SEZ6: variants seen among roughly 807,000 people sequenced by gnomAD.
SEZ6 encodes seizure related 6 homolog, also known as seizure protein 6 homolog.
Under a neutral mutation model 101.0 loss-of-function variants are expected in SEZ6, and 53 were observed. That is an observed-to-expected ratio of 0.52 (90% confidence interval 0.42 to 0.66). The LOEUF is 0.66. Among genes scored for constraint, SEZ6 ranks in the 30% least tolerant of loss-of-function variants. SEZ6 has a pLI of 0.00. For missense variants in SEZ6, 1,102 were observed against 1,289.4 expected (o/e 0.85, Z 2.23); for synonymous variants, 488 against 512.2 (o/e 0.95, Z 0.64).
intron 1 of SEZ6, among the ~76,000 whole-genome samples, chr17:29,001,021 T>C (rs558439826): frequency 6.6e-6 from 1 of 152,290 alleles, no homozygotes; most frequent in East Asian, 1.9e-4. Flanking sequence ...ATCAGCACCC[T>C]ATCCCTGAGC....
Position 28,958,000 on chromosome 17 carries a change from A to G in SEZ6, c.2249T>C (p.Leu750Pro). The change falls in exon 11 of 17, where the codon CTC becomes CCC. Residue 750 changes from leucine (L) to proline (P), a missense_variant. Around this residue, in one of 3 missense-constraint regions of SEZ6, gnomAD observed 556 missense variants for 735.1 expected, o/e 0.76. Transcript: ENST00000317338. Reference protein sequence around the residue: ...PGYQVVGSSVLMCQWDLTWSE... With the variant: ...PGYQVVGSSVPMCQWDLTWSE... ...CCAAGTTAGGTCCCACTGGCACATG[A>G]GGACACTGGATCCCACTACCTGGTA... The G allele has an allele frequency of 6.2e-7, 1 of 1,613,996 alleles. No individual in the cohort carries two copies. The highest frequency in any genetic ancestry group is 8.5e-7 in the Non-Finnish European group (1 of 1,179,866).
chr17:28,962,811 C>T (rs930434884), intron 5 of SEZ6, among the ~76,000 whole-genome samples: 2 of 149,804 alleles, frequency 1.3e-5, no homozygotes, highest in Admixed American at 6.7e-5. Context: ...ATTCAAAAGC[C>T]TAAGCCCATA....
In SEZ6 at chr17:28,980,615, G is replaced by A. The variant is rs1453516137; in HGVS notation, c.724+756C>T. 2.0e-5 allele frequency among the ~76,000 whole-genome samples: 3 copies of A among 151,952 alleles called. No homozygotes were observed. In the East Asian group the frequency reaches 5.8e-4, roughly 29 times the overall value. On this transcript the variant is annotated intron_variant, in intron 2 of 16. Coordinates refer to ENST00000317338, the MANE Select transcript of SEZ6 (RefSeq NM_178860.5). ...TCGATCTCCTGACCTCGTTCCACAC[G>A]CCTCAGCCTCCCAAAGTGCTGGGAT...
At chr17:28,970,008 G>A in intron 3 of SEZ6, 56 bp from the exon 4 acceptor site, 1 of 1,460,538 alleles carries the variant, frequency 6.8e-7, no homozygotes, top group Non-Finnish European at 9.0e-7. Flanking sequence ...CCTGCTGCCT[G>A]GATCCTGCCG....
chr17:28,956,987 C>A, intron 13 of SEZ6, 58 bp downstream of exon 13: 1 of 1,491,932 alleles, frequency 6.7e-7, no homozygotes, highest in Non-Finnish European at 9.0e-7. Flanking sequence ...CATTGGACAT[C>A]TTTGCCAGAG....
At chr17:28,994,891 T>G (rs1229432637) in intron 1 of SEZ6, among the ~76,000 whole-genome samples, 1 of 151,758 alleles carries the variant, frequency 6.6e-6, no homozygotes, top group Non-Finnish European at 1.5e-5. Flanking sequence ...CTTTTTTTTT[T>G]GAGACAGAGT....
chr17:28,969,311 C>T (rs2041115352), intron 4 of SEZ6, among the ~76,000 whole-genome samples: 1 of 152,154 alleles, frequency 6.6e-6, no homozygotes, highest in South Asian at 2.1e-4. Context: ...TCCCTTTGAC[C>T]TTCACCCTCT....
At chr17:28,957,655 A>G in intron 11 of SEZ6, 116 bp from the exon 12 acceptor site, 1 of 1,157,644 alleles carries the variant, frequency 8.6e-7, no homozygotes, top group East Asian at 2.6e-5. Context: ...TCTACCCCCT[A>G]CGTATCTGTC....
chr17:28,959,775 A>C lies in SEZ6; in HGVS notation c.1694T>G (p.Leu565Arg). ...CTCGATGATGATGGAGCCCTGCTCC[A>C]GGGTGTAGCCAGGGTCGCAGCTGAA... ...VEFSCDPGYT[L>R]EQGSIIIECV... Residue 565 changes from leucine (L) to arginine (R), a missense_variant, in exon 8 of 17, where the codon CTG becomes CGG. Leu to Arg is a moderately radical substitution (Grantham distance 102). Coordinates refer to ENST00000317338, the MANE Select transcript of SEZ6 (RefSeq NM_178860.5). This position sits in a 1 kb window ranked among gnomAD's most constrained non-coding sequence, Gnocchi z 4.4. The C allele has an allele frequency of 6.2e-7, 1 of 1,613,726 alleles. No individual in the cohort carries two copies.
At chr17:28,958,382 G>T (rs945851300) in intron 10 of SEZ6, among the ~76,000 whole-genome samples, 1 of 152,214 alleles carries the variant, frequency 6.6e-6, no homozygotes, top group African/African-American at 2.4e-5. Flanking sequence ...ACCTTGACCA[G>T]TTCCTTAGGC....
rs1389001827 is a variant in SEZ6 at position 28,955,446 on chromosome 17, C to T, written c.*516G>A. ...TCCAGAACTTTAGAGAACTAGAGACCTCCCAAGAGGCTGATGTTGGCATGC... is the reference window on the plus strand; with the variant it reads ...TCCAGAACTTTAGAGAACTAGAGACTTCCCAAGAGGCTGATGTTGGCATGC... On this transcript the variant is annotated 3_prime_UTR_variant, in exon 17 of 17. Coordinates refer to ENST00000317338, the MANE Select transcript of SEZ6 (RefSeq NM_178860.5). The T allele has an allele frequency of 2.8e-6, 1 of 357,948 alleles. No homozygotes were observed. The highest frequency in any genetic ancestry group is 2.1e-5 in the African/African-American group (1 of 46,794). The allele number at this position is 357,948 out of a possible 1,614,324, so 22.2% of individuals were successfully genotyped here.
Position 28,969,737 on chromosome 17 carries a change from T to G in SEZ6, c.1054+20A>C. 1 of 1,458,762 alleles carries G rather than the reference T, an allele frequency of 6.9e-7. No homozygotes were observed. Among genetic ancestry groups the G allele is most frequent in the Non-Finnish European group, 9.0e-7 (1 of 1,109,994 alleles). 90.4% of individuals were successfully genotyped at this position (1,458,762 alleles called of 1,614,324 possible). A position where few individuals can be genotyped will look rare whatever the true frequency, so the allele number is the denominator to read the frequency against. The stretch of plus-strand genomic sequence containing the variant: ...GCAGCGAGTCTGGGCTGGTTCCACC[T>G]TCAACTACCCAGGCCTTACCTTGGT... On this transcript the variant is annotated intron_variant, in intron 4 of 16. Coordinates refer to ENST00000317338, the MANE Select transcript of SEZ6 (RefSeq NM_178860.5).
rs371174295 is a variant in SEZ6 at position 28,979,153 on chromosome 17, A to T, written c.858+527T>A. ...GGCCTCGGGATTAAGAGAAAGTCTT[A>T]ATCCTAACGGAGGGATGAGATAACC... On this transcript the variant is annotated intron_variant, in intron 3 of 16. Transcript: ENST00000317338. Among the ~76,000 whole-genome samples the T allele has an allele frequency of 5.2e-4, 79 of 152,208 alleles. 1 individual carries two copies. The South Asian group carries it at 0.016, about 31-fold the overall frequency.
At chr17:28,988,892 T>G (rs2041420078) in intron 1 of SEZ6, among the ~76,000 whole-genome samples, 1 of 152,212 alleles carries the variant, frequency 6.6e-6, no homozygotes, top group African/African-American at 2.4e-5. Context: ...AGGATGGGGC[T>G]GGGACATCTA....
At chr17:28,996,255 G>A (rs1168653191) in intron 1 of SEZ6, among the ~76,000 whole-genome samples, 1 of 152,030 alleles carries the variant, frequency 6.6e-6, no homozygotes, top group Non-Finnish European at 1.5e-5. Context: ...GGGACTTGGC[G>A]AGGTTGTAGA....
At position 28,959,717 on chromosome 17, in the gene SEZ6, CT is replaced by C; in HGVS notation, c.1751del (p.Glu584GlyfsTer57). The C allele has an allele frequency of 6.2e-7, 1 of 1,601,274 alleles. No homozygotes were observed. The highest frequency in any genetic ancestry group is 8.5e-7 in the Non-Finnish European group (1 of 1,172,888). On this transcript the variant is annotated frameshift_variant, in exon 8 of 17. Transcript: ENST00000317338. LOFTEE classifies it high-confidence loss of function. The surrounding 1 kb of genome is among the most constrained non-coding windows in gnomAD (Gnocchi z 4.4). ...CVDPHDPQWN[E>X]TEPACRAVCS... ...ACTGACCTCGGCAGGCTGGCTCTGT[CT>C]CATTCCACTGGGGGTCGTGGGGGTC...
At chr17:28,967,799 A>G (rs1253490535) in intron 4 of SEZ6, among the ~76,000 whole-genome samples, 3 of 152,126 alleles carry the variant, frequency 2.0e-5, no homozygotes, top group African/African-American at 7.2e-5. Flanking sequence ...GGGGCAGACA[A>G]TGAAGCCCCC....
chr17:29,006,170 G>T (rs1243033151), upstream of SEZ6: 2 of 244,132 alleles, frequency 8.2e-6, no homozygotes, highest in African/African-American at 2.3e-5. Flanking sequence ...GCTCCACCGC[G>T]ACTGCCCTAC....
chr17:28,986,283 A>G (rs2041382328), intron 1 of SEZ6, among the ~76,000 whole-genome samples: 1 of 152,082 alleles, frequency 6.6e-6, no homozygotes, highest in Non-Finnish European at 1.5e-5. Flanking sequence ...CCCTCTTGGG[A>G]TTGGAGGCCC....
Sources: gnomAD v4.1 joint callset for allele counts (sites outside exome capture counted in the v4.1 genomes callset) on GRCh38, gnomAD v4.1.1 for gene constraint, gnomAD v4.1.1 regional missense constraint, Gnocchi (gnomAD v3.1) non-coding constraint, MANE v1.5 for transcripts, NCBI Gene and HGNC (gene_info 2026-07-23, HGNC 2026-07-21) for gene names.